The following ARHGAP15 variants were observed in gnomAD, a reference collection of about 807,000 sequenced individuals.
ARHGAP15 encodes the protein Rho GTPase activating protein 15.
A neutral mutation model predicts 63.7 loss-of-function variants in ARHGAP15; 51 were observed. That is an observed-to-expected ratio of 0.80 (90% CI 0.64 to 1.01). ARHGAP15 has a LOEUF of 1.01. Among genes scored for constraint, ARHGAP15 ranks in the 50% least tolerant of loss-of-function variants. The pLI, the probability that ARHGAP15 is intolerant of heterozygous loss-of-function variation, is 0.00. For synonymous variants in ARHGAP15, 191 were observed against 193.8 expected, an observed-to-expected ratio of 0.99 and a Z score of 0.12; for missense variants, 560 against 564.6, an observed-to-expected ratio of 0.99 and a Z score of 0.08.
chr2:143,372,820 A>G (rs1042777186), intron 6 of ARHGAP15, among the ~76,000 whole-genome samples: 3 of 152,188 alleles, frequency 2.0e-5, no homozygotes, highest in Admixed American at 2.0e-4. Context: ...AATTTTAAGA[A>G]GGCTTGAAAA....
intron 12 of ARHGAP15, among the ~76,000 whole-genome samples, chr2:143,661,721 C>T (rs538156641): frequency 2.8e-4 from 43 of 152,248 alleles, no homozygotes; most frequent in African/African-American, 1.0e-3. Context: ...GTGCGCACAC[C>T]GTGCGTGAGC....
At chr2:143,629,260 T>A (rs554530580) in intron 12 of ARHGAP15, among the ~76,000 whole-genome samples, 1 of 151,898 alleles carries the variant, frequency 6.6e-6, no homozygotes, top group East Asian at 1.9e-4. Context: ...ATAATACTCA[T>A]TGGGGTAACA....
chr2:143,468,075 G>T (rs1378942539), intron 8 of ARHGAP15, among the ~76,000 whole-genome samples: 1 of 152,026 alleles, frequency 6.6e-6, no homozygotes, highest in Non-Finnish European at 1.5e-5. Context: ...GCCATAGGGT[G>T]CCTTGTTTGA....
intron 6 of ARHGAP15, among the ~76,000 whole-genome samples, chr2:143,253,945 T>C (rs978327330): frequency 6.6e-6 from 1 of 152,100 alleles, no homozygotes; most frequent in African/African-American, 2.4e-5. Flanking sequence ...TTTTGTTTAA[T>C]TCTGCATTTA....
chr2:143,154,057 A>G (rs1374875047), intron 1 of ARHGAP15, among the ~76,000 whole-genome samples: 2 of 151,586 alleles, frequency 1.3e-5, no homozygotes. Context: ...GTTGATAGAC[A>G]TATGGGTCTT....
chr2:143,538,519 TGATA>T (rs774615211), intron 10 of ARHGAP15, among the ~76,000 whole-genome samples: 97 of 152,360 alleles, frequency 6.4e-4, no homozygotes, highest in Non-Finnish European at 1.0e-3. Flanking sequence ...TGTGGGTCTG[TGATA>T]GATAGCTCTT....
chr2:143,651,674 A>G (rs973761757), intron 12 of ARHGAP15, among the ~76,000 whole-genome samples: 4 of 151,976 alleles, frequency 2.6e-5, no homozygotes, highest in Non-Finnish European at 2.9e-5. Flanking sequence ...ATCATTTTTC[A>G]TTCCTACCAG....
In ARHGAP15 at chr2:143,198,258, AT is replaced by A. The variant is rs367725864; in HGVS notation, c.166-3875del. 4.3e-4 allele frequency among the ~76,000 whole-genome samples: 65 copies of A among 152,142 alleles called. 1 individual carries two copies. In the East Asian group the frequency reaches 0.012, roughly 27 times the overall value. ...TCAATATATGTTAGCATACAATATT[AT>A]CTTTGTATAAATTTCTCAATTTGCA... On this transcript the variant is annotated intron_variant, in intron 2 of 13. Transcript: ENST00000295095.
At chr2:143,400,437 C>CT (rs1687940237) in intron 6 of ARHGAP15, among the ~76,000 whole-genome samples, 1 of 151,872 alleles carries the variant, frequency 6.6e-6, no homozygotes, top group Non-Finnish European at 1.5e-5. Flanking sequence ...GACCCTGTAT[C>CT]TTTTCACCAG....
intron 6 of ARHGAP15, among the ~76,000 whole-genome samples, chr2:143,317,312 T>C (rs1171636766): frequency 6.6e-6 from 1 of 152,240 alleles, no homozygotes; most frequent in Non-Finnish European, 1.5e-5. Flanking sequence ...TGGTTATTCA[T>C]TGAGTGTGAA....
At chr2:143,186,412 T>G (rs908477111) in intron 2 of ARHGAP15, among the ~76,000 whole-genome samples, 1 of 152,336 alleles carries the variant, frequency 6.6e-6, no homozygotes, top group Admixed American at 6.5e-5. Context: ...TATTACAAAA[T>G]TCGTTTATAT....
chr2:143,188,875 C>G (rs1485402925), intron 2 of ARHGAP15, among the ~76,000 whole-genome samples: 1 of 151,842 alleles, frequency 6.6e-6, no homozygotes. Flanking sequence ...CCACCTGCCT[C>G]GGCCTCCCAA....
At chr2:143,397,794 A>G (rs1217173681) in intron 6 of ARHGAP15, among the ~76,000 whole-genome samples, 3 of 152,154 alleles carry the variant, frequency 2.0e-5, no homozygotes, top group East Asian at 1.9e-4. Flanking sequence ...ATGCAGGTCT[A>G]TCTCACAATG....
In ARHGAP15 at chr2:143,538,160, T is replaced by C. The variant is rs545832084; in HGVS notation, c.926-18248T>C. Among the ~76,000 whole-genome samples, 27 of 152,300 alleles carry C rather than the reference T, an allele frequency of 1.8e-4. No individual in the cohort carries two copies. In the South Asian group the frequency reaches 3.5e-3, roughly 20 times the overall value. On this transcript the variant is annotated intron_variant, in intron 10 of 13. Coordinates refer to ENST00000295095, the MANE Select transcript of ARHGAP15 (RefSeq NM_018460.4). Reference sequence around the variant, plus strand: ...GAAGCAATTGTGAATGGGAGTTCACTCATGATTTGGCTCTCTGTTTGTCTG... The same window carrying C: ...GAAGCAATTGTGAATGGGAGTTCACCCATGATTTGGCTCTCTGTTTGTCTG...
chr2:143,357,178 A>G (rs1045231529), intron 6 of ARHGAP15, among the ~76,000 whole-genome samples: 2 of 152,150 alleles, frequency 1.3e-5, no homozygotes, highest in African/African-American at 4.8e-5. Context: ...GGGTTATACA[A>G]TTTTAGATTG....
intron 12 of ARHGAP15, among the ~76,000 whole-genome samples, chr2:143,663,687 C>T (rs552064229): frequency 2.0e-5 from 3 of 152,074 alleles, no homozygotes; most frequent in African/African-American, 7.2e-5. Context: ...TGTGCAGAGA[C>T]ACATATAGGC....
At chr2:143,655,149 TTA>T (rs1681369424) in intron 12 of ARHGAP15, among the ~76,000 whole-genome samples, 1 of 152,072 alleles carries the variant, frequency 6.6e-6, no homozygotes, top group Non-Finnish European at 1.5e-5. Flanking sequence ...TTCCCATAAG[TTA>T]TTGGGGTACA....
At chr2:143,437,129 C>T in intron 8 of ARHGAP15, 87 bp downstream of exon 8, 2 of 1,390,974 alleles carry the variant, frequency 1.4e-6, no homozygotes, top group Non-Finnish European at 1.9e-6. Context: ...AGATTTAAGC[C>T]AAACTCATCA....
At chr2:143,338,209 C>T (rs1031063391) in intron 6 of ARHGAP15, among the ~76,000 whole-genome samples, 1 of 152,074 alleles carries the variant, frequency 6.6e-6, no homozygotes, top group African/African-American at 2.4e-5. Context: ...AGAGGTTTAA[C>T]CCAAGAAGTC....
Sources: gnomAD v4.1 joint callset for allele counts (sites outside exome capture counted in the v4.1 genomes callset) on GRCh38, gnomAD v4.1.1 for gene constraint, MANE v1.5 for transcripts, NCBI Gene and HGNC (gene_info 2026-07-23, HGNC 2026-07-21) for gene names.